The following ARPP21 variants were observed in gnomAD, a reference collection of about 807,000 sequenced individuals.
The protein encoded by ARPP21 is cAMP regulated phosphoprotein 21.
A neutral mutation model predicts 113.2 loss-of-function variants in ARPP21; 69 were observed. The observed-to-expected ratio is 0.61, with a 90% CI of 0.50 to 0.74. The LOEUF (loss-of-function observed/expected upper bound fraction) is 0.74. Among genes scored for constraint, ARPP21 ranks in the 30% least tolerant of loss-of-function variants. ARPP21 has a pLI of 0.00. For synonymous variants in ARPP21, 368 were observed against 375.5 expected, an observed-to-expected ratio of 0.98 and a Z score of 0.23; for missense variants, 1,070 against 1,037.4, an observed-to-expected ratio of 1.03 and a Z score of -0.43.
chr3:35,651,944 A>G (rs116726274), intron 1 of ARPP21: 2 of 152,198 alleles, frequency 1.3e-5, no homozygotes, highest in African/African-American at 4.8e-5. Flanking sequence ...TTCCACATCA[A>G]TGGTTCTGTG....
rs2081065079 is a variant in ARPP21, at chr3:35,687,803, A to G, written c.326A>G (p.Asp109Gly). 8 of 1,606,498 alleles carry G rather than the reference A, an allele frequency of 5.0e-6. No homozygotes were observed. Among genetic ancestry groups the G allele is most frequent in the Non-Finnish European group, 6.8e-6 (8 of 1,176,280 alleles). The change falls in exon 6 of 21, where the codon GAT (aspartate) becomes GGT (glycine). Residue 109 changes from aspartate (D) to glycine (G), a missense_variant. Coordinates refer to ENST00000684406, the MANE Select transcript of ARPP21 (RefSeq NM_001385562.1). ...CAAGAGGAGGATAAATCTAGGAAAG[A>G]TGACTCTGAAAGAGAAAAAGAAAAG... Reference protein sequence around the residue: ...SLQEEDKSRKDDSEREKEKDK... With the variant: ...SLQEEDKSRKGDSEREKEKDK...
At chr3:35,644,404 A>G (rs555279309) in intron 1 of ARPP21, among the ~76,000 whole-genome samples, 1 of 152,092 alleles carries the variant, frequency 6.6e-6, no homozygotes, top group South Asian at 2.1e-4. Flanking sequence ...AAGTATTTAA[A>G]TTATATACAT....
At chr3:35,789,650 C>G (rs1400154373) in intron 19 of ARPP21, among the ~76,000 whole-genome samples, 1 of 152,154 alleles carries the variant, frequency 6.6e-6, no homozygotes, top group Non-Finnish European at 1.5e-5. Context: ...AATCATTAGG[C>G]AGAGGAGGCC....
At chr3:35,686,287 G>A (rs1297944495) in intron 5 of ARPP21, among the ~76,000 whole-genome samples, 1 of 151,644 alleles carries the variant, frequency 6.6e-6, no homozygotes, top group Non-Finnish European at 1.5e-5. Context: ...TGCATATTAA[G>A]ACATTTCTGT....
intron 1 of ARPP21, among the ~76,000 whole-genome samples, chr3:35,674,463 G>T (rs1365007086): frequency 6.6e-6 from 1 of 151,064 alleles, no homozygotes; most frequent in Non-Finnish European, 1.5e-5. Flanking sequence ...GTTTTTTTTT[G>T]AAATGTTACC....
intron 1 of ARPP21, among the ~76,000 whole-genome samples, chr3:35,673,922 C>T (rs1222526954): frequency 6.6e-6 from 1 of 151,772 alleles, no homozygotes; most frequent in Middle Eastern, 3.2e-3. Flanking sequence ...TAAAAAATGC[C>T]TTTTTTCTTT....
intron 19 of ARPP21, among the ~76,000 whole-genome samples, chr3:35,753,500 C>T (rs141839104): frequency 2.7e-4 from 41 of 152,090 alleles, no homozygotes; most frequent in African/African-American, 9.9e-4. Context: ...AATAACCAGA[C>T]TGTGAAAATG....
At chr3:35,675,760 T>G (rs972884761) in intron 1 of ARPP21, among the ~76,000 whole-genome samples, 1 of 151,602 alleles carries the variant, frequency 6.6e-6, no homozygotes, top group Non-Finnish European at 1.5e-5. Context: ...ATTGGATAGA[T>G]AAATAGCAAT....
chr3:35,668,025 A>AG lies in ARPP21; in HGVS notation c.-212-11761dup, dbSNP rs1559550708. On this transcript the variant is annotated intron_variant, in intron 1 of 20. Transcript: ENST00000684406. ...AAGAAGAAGAAGAAGAAGAAGAAGA[A>AG]GAAGAAGGAGAAGAAGAAGAAAGAA... Among the ~76,000 whole-genome samples, 36 of 147,742 alleles carry AG rather than the reference A, an allele frequency of 2.4e-4. 1 individual carries two copies. The highest frequency in any genetic ancestry group is 8.8e-4 in the Admixed American group (13 of 14,848).
chr3:35,777,126 T>G (rs1477089178), intron 19 of ARPP21, among the ~76,000 whole-genome samples: 1 of 152,192 alleles, frequency 6.6e-6, no homozygotes, highest in Non-Finnish European at 1.5e-5. Context: ...AGTGTGTGTG[T>G]GCCTTTGTTT....
At chr3:35,651,650 C>A (rs1702432901) in intron 1 of ARPP21, 1 of 151,986 alleles carries the variant, frequency 6.6e-6, no homozygotes, top group South Asian at 2.1e-4. Context: ...CTTTCTAAAC[C>A]TCAGCTGTTT....
intron 15 of ARPP21, among the ~76,000 whole-genome samples, chr3:35,732,482 C>G (rs1054220107): frequency 2.6e-5 from 4 of 152,096 alleles, no homozygotes; most frequent in Non-Finnish European, 5.9e-5. Flanking sequence ...CAAAGTTGTC[C>G]CTGTATAACA....
chr3:35,780,707 A>T (rs1488314750), intron 19 of ARPP21, among the ~76,000 whole-genome samples: 3 of 152,144 alleles, frequency 2.0e-5, no homozygotes, highest in Non-Finnish European at 4.4e-5. Flanking sequence ...AACCTGTCAG[A>T]AATGCATATG....
intron 19 of ARPP21, among the ~76,000 whole-genome samples, chr3:35,766,008 G>C (rs987071139): frequency 5.3e-5 from 8 of 151,996 alleles, no homozygotes; most frequent in Non-Finnish European, 1.0e-4. Flanking sequence ...TGTAGCTCTG[G>C]GTACCATGTA....
intron 19 of ARPP21, among the ~76,000 whole-genome samples, chr3:35,787,839 G>A (rs1342344332): frequency 1.3e-5 from 2 of 152,136 alleles, no homozygotes; most frequent in African/African-American, 4.8e-5. Context: ...CTACAATTTA[G>A]CACAGAAAAG....
intron 12 of ARPP21, 139 bp downstream of exon 12, chr3:35,715,615 A>C: frequency 1.7e-6 from 1 of 581,754 alleles, no homozygotes; most frequent in Non-Finnish European, 3.0e-6. Context: ...ATGCGTACAC[A>C]CATATATGTT....
intron 19 of ARPP21, among the ~76,000 whole-genome samples, chr3:35,775,810 A>G (rs143040720): frequency 1.8e-3 from 272 of 152,280 alleles, no homozygotes; most frequent in Non-Finnish European, 3.3e-3. Flanking sequence ...AATAAAGGCT[A>G]TCTATAATCT....
chr3:35,685,400 T>C, intron 5 of ARPP21: 5 of 985,212 alleles, frequency 5.1e-6, no homozygotes, highest in Non-Finnish European at 4.8e-6. Context: ...AGGGGGTTGA[T>C]AGAAAACATC....
At chr3:35,737,410 G>A (rs2094422950) in intron 16 of ARPP21, 48 bp downstream of exon 16, 1 of 1,312,492 alleles carries the variant, frequency 7.6e-7, no homozygotes. Flanking sequence ...CTGAGATGAA[G>A]GCTACATAGT....
Sources: gnomAD v4.1 joint callset for allele counts (sites outside exome capture counted in the v4.1 genomes callset) on GRCh38, gnomAD v4.1.1 for gene constraint, MANE v1.5 for transcripts, NCBI Gene and HGNC (gene_info 2026-07-23, HGNC 2026-07-21) for gene names.